The following AHCTF1 variants were observed in gnomAD, a reference collection of about 807,000 sequenced individuals.
The protein encoded by AHCTF1 is AT-hook containing transcription factor 1.
AHCTF1 carries 24 observed loss-of-function variants against 248.4 expected under a neutral mutation model. The ratio of observed to expected loss-of-function variants is 0.10; its 90% confidence interval spans 0.07 to 0.14. The LOEUF is 0.14. Ranked by LOEUF, AHCTF1 falls within the 10% of genes least tolerant of loss-of-function variation. The pLI is 1.00. For missense variants in AHCTF1, 2,206 were observed against 2,636.2 expected, an observed-to-expected ratio of 0.84 and a Z score of 3.57; for synonymous variants, 786 against 929.8, an observed-to-expected ratio of 0.85 and a Z score of 2.81.
intron 30 of AHCTF1, among the ~76,000 whole-genome samples, chr1:246,857,428 C>T (rs769493097): frequency 6.6e-5 from 10 of 152,146 alleles, no homozygotes; most frequent in Non-Finnish European, 1.3e-4. Flanking sequence ...CAGCTGTGAG[C>T]GAAATCTTGG....
chr1:246,869,020 A>G (rs572654295), intron 24 of AHCTF1, among the ~76,000 whole-genome samples: 56 of 150,764 alleles, frequency 3.7e-4, no homozygotes, highest in African/African-American at 1.3e-3. Context: ...AACTTTTTCT[A>G]TTTTTAGTAG....
At chr1:246,875,562 T>C (rs974203017) in intron 24 of AHCTF1, among the ~76,000 whole-genome samples, 26 of 152,192 alleles carry the variant, frequency 1.7e-4, no homozygotes, top group African/African-American at 6.0e-4. Context: ...GAAACTCTAG[T>C]GGAAGGAAGA....
chr1:246,871,914 CAT>C (rs1662617765), intron 24 of AHCTF1, among the ~76,000 whole-genome samples: 2 of 151,888 alleles, frequency 1.3e-5, no homozygotes, highest in Admixed American at 6.6e-5. Flanking sequence ...ACAACACAAA[CAT>C]GTGAACTTTA....
At position 246,924,845 on chromosome 1, in the gene AHCTF1, C is replaced by T. The variant is rs145680709; in HGVS notation, c.-7-6468G>A. ...TTGCTTTTTATTATCCAAAACAGATCCAAAAGTCTAACCTAATATAAAGGT... is the reference window on the plus strand; with the variant it reads ...TTGCTTTTTATTATCCAAAACAGATTCAAAAGTCTAACCTAATATAAAGGT... On this transcript the variant is annotated intron_variant, in intron 1 of 35. Coordinates refer to ENST00000648844, the MANE Select transcript of AHCTF1 (RefSeq NM_001323342.2). Among the ~76,000 whole-genome samples, 131 of 138,426 alleles carry T rather than the reference C, an allele frequency of 9.5e-4. 2 individuals carry two copies. Among genetic ancestry groups the T allele is most frequent in the African/African-American group, 3.6e-3 (129 of 35,576 alleles). 90.8% of individuals were successfully genotyped at this position (138,426 alleles called of 152,430 possible).
chr1:246,915,675 A>C (rs1180736637), intron 3 of AHCTF1, among the ~76,000 whole-genome samples: 1 of 152,222 alleles, frequency 6.6e-6, no homozygotes, highest in Non-Finnish European at 1.5e-5. Flanking sequence ...GACCAAGTTC[A>C]ATTTATTCAT....
chr1:246,921,361 C>G (rs865959680), intron 1 of AHCTF1, among the ~76,000 whole-genome samples: 1 of 151,998 alleles, frequency 6.6e-6, no homozygotes, highest in African/African-American at 2.4e-5. Context: ...TTCACTGCAC[C>G]GTGATCTTCT....
intron 17 of AHCTF1, 48 bp downstream of exon 17, chr1:246,889,917 GA>G: frequency 1.4e-6 from 2 of 1,402,630 alleles, no homozygotes; most frequent in Non-Finnish European, 2.0e-6. Context: ...ACTATTCTGA[GA>G]AACTTTGACT....
At chr1:246,930,281 C>T (rs1443283500) in intron 1 of AHCTF1, among the ~76,000 whole-genome samples, 1 of 151,218 alleles carries the variant, frequency 6.6e-6, no homozygotes, top group Admixed American at 6.6e-5. Context: ...CCCAAGTAGG[C>T]GCGCGACTAG....
rs766533829 is a variant in AHCTF1, at chr1:246,849,783, T to C, written c.6223A>G (p.Lys2075Glu). The C allele has an allele frequency of 1.1e-5, 17 of 1,614,008 alleles. No homozygotes were observed. In the South Asian group the frequency reaches 1.9e-4, roughly 18 times the overall value. The change falls in exon 33 of 36, where the codon AAA becomes GAA. Residue 2075 changes from lysine (K) to glutamate (E), a missense_variant. Transcript: ENST00000648844. ...SEERTDEMTH[K>E]ETNEQEERLL... Reference sequence around the variant, plus strand: ...CTTTCTTCCTGCTCATTTGTTTCTTTATGTGTCATTTCATCTGTGCGTTCT... The same window carrying C: ...CTTTCTTCCTGCTCATTTGTTTCTTCATGTGTCATTTCATCTGTGCGTTCT...
In AHCTF1 at chr1:246,860,914, G is replaced by T; in HGVS notation, c.4117C>A (p.Leu1373Ile). Residue 1373 changes from leucine (L) to isoleucine (I), a missense_variant, in exon 29 of 36, where the codon CTA (leucine) becomes ATA (isoleucine). Leu to Ile is a conservative substitution (Grantham distance 5). Around this residue, in one of 6 missense-constraint regions of AHCTF1, gnomAD observed 955 missense variants for 1,055.6 expected, o/e 0.90. Coordinates refer to ENST00000648844, the MANE Select transcript of AHCTF1 (RefSeq NM_001323342.2). ...VFASEVTPSD[L>I]QKQMGNLEDA... ...GAGTTCTTACCCATTTGTTTCTGTAGGTCTGAAGGAGTTACTTCTGATGCA... is the reference window on the plus strand; with the variant it reads ...GAGTTCTTACCCATTTGTTTCTGTATGTCTGAAGGAGTTACTTCTGATGCA... 2 of 1,608,270 alleles carry T rather than the reference G, an allele frequency of 1.2e-6. No homozygotes were observed. Among genetic ancestry groups the T allele is most frequent in the Non-Finnish European group, 8.5e-7 (1 of 1,175,200 alleles).
In AHCTF1 at chr1:246,862,187, A is replaced by C. The variant is rs770269173; in HGVS notation, c.3541-34T>G. 4 of 1,561,698 alleles carry C rather than the reference A, an allele frequency of 2.6e-6. No homozygotes were observed. The African/African-American group carries it at 5.5e-5, about 22-fold the overall frequency. ...AAGAGCAAATGGAATTACACCATTA[A>C]AAGTGCTTATAGGCCGGGCGCGGTG... On this transcript the variant is annotated intron_variant, in intron 27 of 35. Coordinates refer to ENST00000648844, the MANE Select transcript of AHCTF1 (RefSeq NM_001323342.2).
chr1:246,868,908 G>T (rs901543644), intron 24 of AHCTF1, among the ~76,000 whole-genome samples: 4 of 145,246 alleles, frequency 2.8e-5, no homozygotes, highest in Non-Finnish European at 6.0e-5. Flanking sequence ...GCAGTGGTGT[G>T]ATCTCGGCTC....
intron 6 of AHCTF1, among the ~76,000 whole-genome samples, 178 bp downstream of exon 6, chr1:246,905,363 T>C (rs1665305555): frequency 6.6e-6 from 1 of 152,118 alleles, no homozygotes; most frequent in Non-Finnish European, 1.5e-5. Flanking sequence ...CCAGGCATGG[T>C]GACAGGCACC....
intron 19 of AHCTF1, 79 bp downstream of exon 19, chr1:246,888,098 A>G (rs537399062): frequency 3.8e-5 from 56 of 1,479,650 alleles, no homozygotes; most frequent in Non-Finnish European, 5.0e-5. Context: ...TTGCAATTAG[A>G]TATGTCAGGT....
At chr1:246,861,911 A>T (rs370448826) in intron 28 of AHCTF1, 48 bp downstream of exon 28, 2 of 1,493,726 alleles carry the variant, frequency 1.3e-6, no homozygotes, top group Non-Finnish European at 1.8e-6. Flanking sequence ...CAGAGCTAAT[A>T]CATTCTTATT....
Position 246,861,095 on chromosome 1 carries a change from G to A in AHCTF1, c.3936C>T (p.Ile1312=). The A allele has an allele frequency of 1.2e-6, 2 of 1,614,084 alleles. No individual in the cohort carries two copies. The highest frequency in any genetic ancestry group is 1.7e-6 in the Non-Finnish European group (2 of 1,180,016). ...ACTCTAAGGTAGTCTCATCGGATGT[G>A]ATTGAAACACTGCTGTTTCCTTTGC... The part of the protein sequence containing the change: ...DVSKGNSSVS[I]TSDETTLEYQ... Residue 1312 remains isoleucine (I), a synonymous_variant, in exon 29 of 36, where the codon ATC becomes ATT. Coordinates refer to ENST00000648844, the MANE Select transcript of AHCTF1 (RefSeq NM_001323342.2).
chr1:246,927,481 T>C (rs950564987), intron 1 of AHCTF1, among the ~76,000 whole-genome samples: 14 of 152,126 alleles, frequency 9.2e-5, no homozygotes, highest in Non-Finnish European at 1.3e-4. Flanking sequence ...ACAGCCTGAC[T>C]GTCTCAAAAA....
At chr1:246,885,704 A>G (rs1274628917) in intron 20 of AHCTF1, 24 bp from the exon 21 acceptor site, 1 of 1,574,358 alleles carries the variant, frequency 6.4e-7, no homozygotes, top group Admixed American at 1.8e-5. Context: ...GAAAAATGTT[A>G]AATATAAATA....
chr1:246,920,144 A>G (rs1435028371), intron 1 of AHCTF1, among the ~76,000 whole-genome samples: 1 of 82,068 alleles, frequency 1.2e-5, no homozygotes, highest in Admixed American at 1.4e-4. Flanking sequence ...GTCCCCCGCA[A>G]AAAAAAAAAA....
Sources: gnomAD v4.1 joint callset for allele counts (sites outside exome capture counted in the v4.1 genomes callset) on GRCh38, gnomAD v4.1.1 for gene constraint, gnomAD v4.1.1 regional missense constraint, MANE v1.5 for transcripts, NCBI Gene and HGNC (gene_info 2026-07-23, HGNC 2026-07-21) for gene names.